Variants in GFRA1 observed in about 807,000 individuals in gnomAD.
GFRA1 encodes the protein GDNF family receptor alpha-1.
In GFRA1, 16 loss-of-function variants were observed where a neutral mutation model predicts 51.6. The observed-to-expected ratio is 0.31, with a 90% CI of 0.21 to 0.47. The LOEUF (loss-of-function observed/expected upper bound fraction) is 0.47, where lower values mean the gene tolerates loss of function less well. Ranked by LOEUF, GFRA1 falls within the 20% of genes least tolerant of loss-of-function variation. The pLI is 1.00. For missense variants in GFRA1, 530 were observed against 594.3 expected (o/e 0.89, Z 1.13); for synonymous variants, 270 against 241.3 (o/e 1.12, Z -1.10).
chr10:116,205,596 G>GATATATATATATATATATATATATATAT (rs140642664), intron 5 of GFRA1, among the ~76,000 whole-genome samples: 8 of 140,600 alleles, frequency 5.7e-5, no homozygotes, highest in African/African-American at 2.1e-4. Flanking sequence ...AAAAAAAAAA[G>GATATATATATATATATATATATATATAT]ATATATATAT....
intron 5 of GFRA1, among the ~76,000 whole-genome samples, chr10:116,205,537 T>C (rs1964666626): frequency 6.7e-6 from 1 of 150,144 alleles, no homozygotes; most frequent in African/African-American, 2.4e-5. Context: ...AACGCACCAC[T>C]GCACTCTAGC....
intron 6 of GFRA1, among the ~76,000 whole-genome samples, chr10:116,121,145 G>A (rs147712462): frequency 2.9e-3 from 434 of 152,270 alleles, no homozygotes; most frequent in Non-Finnish European, 4.9e-3. Context: ...CTGAGCCAGC[G>A]CTCAGACAGG....
At chr10:116,167,842 A>T (rs933232332) in intron 5 of GFRA1, among the ~76,000 whole-genome samples, 2 of 152,200 alleles carry the variant, frequency 1.3e-5, no homozygotes, top group African/African-American at 4.8e-5. Context: ...CTGCTATGAA[A>T]TACTCATGAG....
At chr10:116,214,067 A>G (rs1483911102) in intron 4 of GFRA1, among the ~76,000 whole-genome samples, 4 of 152,132 alleles carry the variant, frequency 2.6e-5, no homozygotes, top group African/African-American at 9.7e-5. Context: ...CACTGCCCAG[A>G]GACTGTGAGA....
At chr10:116,094,127 T>G (rs555114506) in intron 7 of GFRA1, among the ~76,000 whole-genome samples, 1 of 152,266 alleles carries the variant, frequency 6.6e-6, no homozygotes, top group Admixed American at 6.5e-5. Context: ...AGAATTAACT[T>G]AGAGAACGCA....
chr10:116,155,716 G>GA (rs924768001), intron 5 of GFRA1, among the ~76,000 whole-genome samples: 8 of 152,298 alleles, frequency 5.3e-5, no homozygotes, highest in African/African-American at 1.7e-4. Context: ...AGTGCCTCAT[G>GA]AAAAATGGAA....
At chr10:116,188,495 T>C (rs916835740) in intron 5 of GFRA1, among the ~76,000 whole-genome samples, 3 of 152,136 alleles carry the variant, frequency 2.0e-5, no homozygotes, top group East Asian at 1.9e-4. Flanking sequence ...TCAATGGGTA[T>C]AGAGTTTCAG....
chr10:116,125,577 C>G lies in GFRA1; in HGVS notation c.434-20G>C. The G allele has an allele frequency of 1.9e-6, 3 of 1,587,472 alleles. No homozygotes were observed. The highest frequency in any genetic ancestry group is 2.6e-6 in the Non-Finnish European group (3 of 1,159,706). On this transcript the variant is annotated intron_variant, in intron 5 of 10. Coordinates refer to ENST00000355422, the MANE Select transcript of GFRA1 (RefSeq NM_005264.8). Reference sequence around the variant, plus strand: ...GCTCCACTGCAAATGCAGAGAAAGACAGGCATGGTCACAGTGCTCGGCTCT... The same window carrying G: ...GCTCCACTGCAAATGCAGAGAAAGAGAGGCATGGTCACAGTGCTCGGCTCT...
chr10:116,243,664 A>AT (rs1967602629), intron 4 of GFRA1, among the ~76,000 whole-genome samples: 1 of 152,118 alleles, frequency 6.6e-6, no homozygotes, highest in African/African-American at 2.4e-5. Flanking sequence ...AGCTTTAAAA[A>AT]ATATATATCT....
chr10:116,087,570 G>A (rs1956151273), intron 9 of GFRA1, among the ~76,000 whole-genome samples: 1 of 152,198 alleles, frequency 6.6e-6, no homozygotes, highest in Non-Finnish European at 1.5e-5. Context: ...TGTGCACTGA[G>A]ACACGTGCAG....
At chr10:116,242,846 T>C (rs1045703070) in intron 4 of GFRA1, among the ~76,000 whole-genome samples, 4 of 152,292 alleles carry the variant, frequency 2.6e-5, no homozygotes, top group African/African-American at 9.6e-5. Context: ...AGAAACCACA[T>C]TTCCATCAAA....
At chr10:116,163,496 A>G (rs886562950) in intron 5 of GFRA1, among the ~76,000 whole-genome samples, 3 of 152,234 alleles carry the variant, frequency 2.0e-5, no homozygotes, top group Non-Finnish European at 4.4e-5. Context: ...TCAGTTGCTA[A>G]GTGCAAACTC....
intron 4 of GFRA1, among the ~76,000 whole-genome samples, chr10:116,250,467 A>G (rs1049912941): frequency 2.0e-5 from 3 of 152,230 alleles, no homozygotes; most frequent in African/African-American, 4.8e-5. Context: ...TCAGGATTCT[A>G]TAATTATCTT....
At chr10:116,069,482 G>GA (rs1309833525) in intron 9 of GFRA1, among the ~76,000 whole-genome samples, 1 of 152,094 alleles carries the variant, frequency 6.6e-6, no homozygotes, top group Non-Finnish European at 1.5e-5. Flanking sequence ...AGGGAAACCT[G>GA]TTTTTTAGGC....
chr10:116,155,151 C>A (rs527592052), intron 5 of GFRA1, among the ~76,000 whole-genome samples: 2 of 152,192 alleles, frequency 1.3e-5, no homozygotes, highest in Non-Finnish European at 2.9e-5. Flanking sequence ...TCATGACAAT[C>A]CTATGGTTAT....
At position 116,196,900 on chromosome 10, in the gene GFRA1, A is replaced by T. The variant is rs142575851; in HGVS notation, c.433+14731T>A. Among the ~76,000 whole-genome samples the T allele has an allele frequency of 5.7e-3, 848 of 147,618 alleles. 9 individuals are homozygous for T. The highest frequency in any genetic ancestry group is 0.021 in the African/African-American group (818 of 39,888). On this transcript the variant is annotated intron_variant, in intron 5 of 10. Transcript: ENST00000355422. ...TCCAGAAGATCAAAATTAAGGTGTC[A>T]GGAGGGCCATGCTGAAGGTTTCTCT...
intron 9 of GFRA1, among the ~76,000 whole-genome samples, chr10:116,068,896 G>C (rs1043066432): frequency 1.3e-5 from 2 of 152,178 alleles, no homozygotes; most frequent in African/African-American, 2.4e-5. Context: ...TGCAAATTGG[G>C]ACGTCCCAGG....
rs568600198 is a variant in GFRA1, at chr10:116,211,383, G to A, written c.433+248C>T. Reference sequence around the variant, plus strand: ...CCCAGCCACAGACCCCTCTCCAAGCGTCTCTGCCCAGCTGTCCAGTCTACA... The same window carrying A: ...CCCAGCCACAGACCCCTCTCCAAGCATCTCTGCCCAGCTGTCCAGTCTACA... On this transcript the variant is annotated intron_variant, in intron 5 of 10. Transcript: ENST00000355422. 1.4e-3 allele frequency among the ~76,000 whole-genome samples: 215 copies of A among 152,226 alleles called. 2 individuals are homozygous for A. The highest frequency in any genetic ancestry group is 4.9e-3 in the African/African-American group (205 of 41,548).
chr10:116,141,290 T>C (rs1958553526), intron 5 of GFRA1, among the ~76,000 whole-genome samples: 2 of 152,140 alleles, frequency 1.3e-5, no homozygotes, highest in South Asian at 4.1e-4. Context: ...ATGTTTCTTC[T>C]TGGCCACCTC....
Sources: allele counts gnomAD v4.1 joint callset (sites outside exome capture counted in the v4.1 genomes callset), GRCh38; gene constraint gnomAD v4.1.1; transcripts MANE v1.5; gene names NCBI Gene and HGNC (gene_info 2026-07-23, HGNC 2026-07-21).